Variants in PDE10A observed in about 807,000 individuals in gnomAD.
The protein encoded by PDE10A is cAMP and cAMP-inhibited cGMP 3',5'-cyclic phosphodiesterase 10A.
In PDE10A, 39 loss-of-function variants were observed where a neutral mutation model predicts 97.7. The observed-to-expected ratio is 0.40, with a 90% CI of 0.31 to 0.52. The LOEUF is 0.52. PDE10A is among the 20% of genes least tolerant of loss of function. PDE10A has a pLI of 0.56. For synonymous variants in PDE10A, 371 were observed against 376.8 expected (o/e 0.98, Z 0.18); for missense variants, 731 against 1,047.8 (o/e 0.70, Z 4.17).
intron 1 of PDE10A, among the ~76,000 whole-genome samples, chr6:165,975,732 G>A (rs1784827116): frequency 6.6e-6 from 1 of 152,228 alleles, no homozygotes; most frequent in African/African-American, 2.4e-5. Context: ...CATGTGTCCA[G>A]CACTTAGCTT....
intron 1 of PDE10A, among the ~76,000 whole-genome samples, chr6:165,791,701 C>G (rs559414691): frequency 1.3e-5 from 2 of 152,332 alleles, no homozygotes; most frequent in Non-Finnish European, 1.5e-5. Flanking sequence ...CCTCCCAGCT[C>G]TGCAATGGCT....
intron 1 of PDE10A, among the ~76,000 whole-genome samples, chr6:165,555,094 C>A (rs138512376): frequency 1.3e-5 from 2 of 152,048 alleles, no homozygotes; most frequent in African/African-American, 4.8e-5. Context: ...GTGAATAAGA[C>A]CTACTGTTTG....
intron 2 of PDE10A, among the ~76,000 whole-genome samples, chr6:165,518,898 T>C (rs540324985): frequency 2.0e-5 from 3 of 152,280 alleles, no homozygotes; most frequent in Admixed American, 6.5e-5. Flanking sequence ...CCAGTTCCAA[T>C]TGATGGCAAC....
chr6:165,460,523 G>C (rs932460671), intron 3 of PDE10A, among the ~76,000 whole-genome samples: 2 of 152,116 alleles, frequency 1.3e-5, no homozygotes, highest in African/African-American at 4.8e-5. Flanking sequence ...AACTATTCAG[G>C]GAAAGAAATT....
intron 3 of PDE10A, among the ~76,000 whole-genome samples, chr6:165,480,805 T>C (rs1779562441): frequency 6.6e-6 from 1 of 152,292 alleles, no homozygotes; most frequent in Admixed American, 6.5e-5. Flanking sequence ...AATAGTGGCA[T>C]ACTATTTCAT....
At chr6:165,431,669 A>T (rs148667668) in intron 7 of PDE10A, among the ~76,000 whole-genome samples, 197 bp from the exon 8 acceptor site, 2 of 149,930 alleles carry the variant, frequency 1.3e-5, no homozygotes, top group African/African-American at 4.9e-5. Context: ...ATCTCAACAA[A>T]GGACTCGGGG....
At chr6:165,811,422 C>T (rs1779280329) in intron 1 of PDE10A, among the ~76,000 whole-genome samples, 1 of 152,184 alleles carries the variant, frequency 6.6e-6, no homozygotes, top group African/African-American at 2.4e-5. Context: ...TCCCTAGGCC[C>T]TCGCCTGAGC....
intron 1 of PDE10A, among the ~76,000 whole-genome samples, chr6:165,596,665 G>C (rs1786613165): frequency 6.6e-6 from 1 of 152,192 alleles, no homozygotes; most frequent in African/African-American, 2.4e-5. Flanking sequence ...ATGAGGTGGA[G>C]GCTGCAGGTA....
rs912728186 is a variant in PDE10A at position 165,633,393 on chromosome 6, A to G, written c.865+28554T>C. Among the ~76,000 whole-genome samples, 6 of 152,340 alleles carry G rather than the reference A, an allele frequency of 3.9e-5. No individual in the cohort carries two copies. In the East Asian group the frequency reaches 1.2e-3, roughly 29 times the overall value. ...GATCTCTAGTAAAGATATCCTATAC[A>G]TTAACTTTTCTTTACCTATACATTA... is the stretch of plus-strand genomic sequence containing the variant. On this transcript the variant is annotated intron_variant, in intron 1 of 21. Coordinates refer to ENST00000539869, the MANE Select transcript of PDE10A (RefSeq NM_001385079.1).
chr6:165,398,988 A>G (rs1786414077), intron 13 of PDE10A, among the ~76,000 whole-genome samples: 1 of 152,206 alleles, frequency 6.6e-6, no homozygotes, highest in African/African-American at 2.4e-5. Flanking sequence ...GAAAAGATAT[A>G]CTGTTTAATA....
At chr6:165,950,754 A>G (rs1783928208) in intron 1 of PDE10A, among the ~76,000 whole-genome samples, 1 of 18,732 alleles carries the variant, frequency 5.3e-5, no homozygotes, top group African/African-American at 5.8e-4. Context: ...AGTCTAAAGC[A>G]CTAAAAAAAA....
intron 1 of PDE10A, among the ~76,000 whole-genome samples, chr6:165,727,007 C>T (rs958436480): frequency 6.6e-6 from 1 of 152,148 alleles, no homozygotes; most frequent in Non-Finnish European, 1.5e-5. Flanking sequence ...ACCCTCCTCG[C>T]GTGGGGGGTT....
At chr6:165,936,368 G>T (rs1783329548) in intron 1 of PDE10A, among the ~76,000 whole-genome samples, 1 of 152,192 alleles carries the variant, frequency 6.6e-6, no homozygotes, top group South Asian at 2.1e-4. Flanking sequence ...CCTCGTTTAA[G>T]ATCGGCAGAA....
At chr6:165,493,817 T>C (rs952761076) in intron 2 of PDE10A, among the ~76,000 whole-genome samples, 8 of 151,998 alleles carry the variant, frequency 5.3e-5, no homozygotes, top group African/African-American at 1.2e-4. Flanking sequence ...AAAGCAAAGA[T>C]AGATGGGACT....
chr6:165,358,024 T>C (rs1481905107), intron 18 of PDE10A, among the ~76,000 whole-genome samples: 14 of 152,160 alleles, frequency 9.2e-5, no homozygotes, highest in Admixed American at 9.2e-4. Context: ...TTCACTGTCA[T>C]TCTGGTTGAG....
At chr6:165,642,020 G>A (rs537289247) in intron 1 of PDE10A, among the ~76,000 whole-genome samples, 380 of 5,778 alleles carry the variant, frequency 0.066, 2 homozygotes, top group African/African-American at 0.11. Context: ...TCATGAACGT[G>A]TGTGTGTGTG....
chr6:165,884,063 G>A (rs192421588), intron 1 of PDE10A, among the ~76,000 whole-genome samples: 122 of 152,278 alleles, frequency 8.0e-4, no homozygotes, highest in Admixed American at 3.1e-3. Flanking sequence ...AGCAGGTGGA[G>A]GAAGGTGATG....
intron 1 of PDE10A, among the ~76,000 whole-genome samples, chr6:165,926,174 GC>G (rs1782929430): frequency 6.6e-6 from 1 of 152,194 alleles, no homozygotes; most frequent in Non-Finnish European, 1.5e-5. Context: ...TGAAGTACCA[GC>G]AATAGTGGCT....
At chr6:165,714,816 G>A (rs776021091) in intron 1 of PDE10A, among the ~76,000 whole-genome samples, 17 of 152,350 alleles carry the variant, frequency 1.1e-4, no homozygotes, top group Non-Finnish European at 1.6e-4. Context: ...AAGTGGTGGC[G>A]GATTGTGGCC....
Sources: allele counts gnomAD v4.1 joint callset (sites outside exome capture counted in the v4.1 genomes callset), GRCh38; gene constraint gnomAD v4.1.1; transcripts MANE v1.5; gene names NCBI Gene and HGNC (gene_info 2026-07-23, HGNC 2026-07-21).